Variants in PCNT observed in about 807,000 individuals in gnomAD.
The protein encoded by PCNT is kendrin.
Under a neutral mutation model 380.4 loss-of-function variants are expected in PCNT, and 319 were observed. That is an observed-to-expected ratio of 0.84 (90% CI 0.77 to 0.92). The LOEUF (loss-of-function observed/expected upper bound fraction) is 0.92. PCNT is among the 40% of genes least tolerant of loss of function. The pLI, the probability that PCNT is intolerant of heterozygous loss-of-function variation, is 0.00. For synonymous variants in PCNT, 1,845 were observed against 1,735.2 expected (o/e 1.06, Z -1.57); for missense variants, 4,400 against 4,255.3 (o/e 1.03, Z -0.95).
Position 46,442,567 on chromosome 21 carries a change from C to T in PCNT, c.9694C>T (p.Arg3232Cys), listed in dbSNP as rs537151957. ...AGCTCTGGCACAAGGCAAAGCCCCTCGCCCAGGTGGGACTCCAGCTGCTGT... is the reference window on the plus strand; with the variant it reads ...AGCTCTGGCACAAGGCAAAGCCCCTTGCCCAGGTGGGACTCCAGCTGCTGT... ...KGALAQGKAP[R>C]PGPRARQPQS... Residue 3232 changes from arginine to cysteine, a missense_variant, in exon 44 of 47, where the codon CGC (arginine) becomes TGC (cysteine). Physicochemically the swap from Arg to Cys is radical, Grantham distance 180. Coordinates refer to ENST00000359568, the MANE Select transcript of PCNT (RefSeq NM_006031.6). The T allele has an allele frequency of 1.3e-4, 208 of 1,603,478 alleles. No individual in the cohort carries two copies. The South Asian group carries it at 2.0e-3, about 16-fold the overall frequency.
At chr21:46,347,436 T>C in intron 5 of PCNT, 21 bp from the exon 6 acceptor site, 2 of 1,614,024 alleles carry the variant, frequency 1.2e-6, no homozygotes, top group Non-Finnish European at 1.7e-6. Context: ...TGGCCTGAGC[T>C]GCTTTTTGTT....
intron 16 of PCNT, among the ~76,000 whole-genome samples, chr21:46,382,215 G>T (rs1323263420): frequency 6.9e-6 from 1 of 145,286 alleles, no homozygotes; most frequent in Non-Finnish European, 1.5e-5. Context: ...TGGCGGAAGC[G>T]CATTCATAGT....
chr21:46,353,639 CGTGTGT>C lies in PCNT; in HGVS notation c.1679+320_1679+325del, dbSNP rs147389000. Among the ~76,000 whole-genome samples, 1,542 of 149,912 alleles carry C rather than the reference CGTGTGT, an allele frequency of 0.01. 12 individuals carry two copies. The highest frequency in any genetic ancestry group is 0.021 in the Middle Eastern group (6 of 292). On this transcript the variant is annotated intron_variant, in intron 10 of 46. Coordinates refer to ENST00000359568, the MANE Select transcript of PCNT (RefSeq NM_006031.6). ...GTGGGCACGCTCTTGTCCAGGCCTG[CGTGTGT>C]GTGTGTTGGTGGCAGGGGCGCTCTC...
chr21:46,327,038 T>C (rs1476299174), intron 2 of PCNT, among the ~76,000 whole-genome samples: 1 of 151,482 alleles, frequency 6.6e-6, no homozygotes, highest in African/African-American at 2.4e-5. Context: ...GTGAGTAAAT[T>C]TTTATGGTTT....
chr21:46,445,019 C>T (rs77487457), intron 46 of PCNT, among the ~76,000 whole-genome samples, 198 bp downstream of exon 46: 2 of 152,120 alleles, frequency 1.3e-5, no homozygotes, highest in African/African-American at 2.4e-5. Context: ...CTCAGTGATA[C>T]GTGCTGAGGT....
intron 31 of PCNT, among the ~76,000 whole-genome samples, chr21:46,418,844 G>C (rs1049591650): frequency 1.3e-5 from 2 of 152,172 alleles, no homozygotes; most frequent in Admixed American, 1.3e-4. Flanking sequence ...GATGGTGCGT[G>C]GGGGGCTGCG....
intron 22 of PCNT, 128 bp from the exon 23 acceptor site, chr21:46,397,886 G>T (rs574744506): frequency 2.1e-5 from 15 of 707,028 alleles, no homozygotes; most frequent in African/African-American, 7.0e-5. Context: ...TGTGATGAGG[G>T]GGGTATTTGG....
intron 14 of PCNT, 51 bp from the exon 15 acceptor site, chr21:46,366,533 A>T: frequency 6.7e-7 from 1 of 1,496,762 alleles, no homozygotes; most frequent in African/African-American, 1.4e-5. Flanking sequence ...TGCAAGGGTC[A>T]TTGCTTCCTG....
At chr21:46,338,217 C>T (rs2083812678) in intron 3 of PCNT, among the ~76,000 whole-genome samples, 1 of 152,080 alleles carries the variant, frequency 6.6e-6, no homozygotes, top group Non-Finnish European at 1.5e-5. Context: ...TTGTGATGCA[C>T]AATTGTGTAG....
In PCNT at chr21:46,366,808, G is replaced by C. The variant is rs183691508; in HGVS notation, c.2834G>C (p.Arg945Pro). Residue 945 changes from arginine to proline, a missense_variant, in exon 15 of 47, where the codon CGT becomes CCT. Coordinates refer to ENST00000359568, the MANE Select transcript of PCNT (RefSeq NM_006031.6). ...AAGCAGGGGGCTCTGCTGGCTGCAC[G>C]TGTGGCCGAACTGCAGACAAAACAC... ...ESKQGALLAARVAELQTKHAA... is the reference protein window; with the variant it reads ...ESKQGALLAAPVAELQTKHAA... 2 of 1,613,694 alleles carry C rather than the reference G, an allele frequency of 1.2e-6. No homozygotes were observed. The highest frequency in any genetic ancestry group is 2.7e-5 in the African/African-American group (2 of 74,944).
intron 14 of PCNT, among the ~76,000 whole-genome samples, chr21:46,365,548 A>T (rs34907325): frequency 0.42 from 28,653 of 68,844 alleles, 5,236 homozygotes; most frequent in Admixed American, 0.52. Context: ...TGGGGTTCTG[A>T]TCACTGCCGT....
chr21:46,384,747 G>A (rs976015022), intron 16 of PCNT, among the ~76,000 whole-genome samples: 3 of 140,542 alleles, frequency 2.1e-5, no homozygotes, highest in South Asian at 2.2e-4. Flanking sequence ...TGCGTTGAGC[G>A]GCGGAAGCGC....
In PCNT at chr21:46,359,199, C is replaced by T. The variant is rs189550834; in HGVS notation, c.2154+2008C>T. Among the ~76,000 whole-genome samples the T allele has an allele frequency of 3.8e-4, 57 of 151,482 alleles. 2 individuals carry two copies. The highest frequency in any genetic ancestry group is 5.9e-4 in the Admixed American group (9 of 15,198). Reference sequence around the variant, plus strand: ...AACTCCTGATCTCAAGTGATCTGCCCGCCTTGGCCTCCCAAAGTGTTGGGA... The same window carrying T: ...AACTCCTGATCTCAAGTGATCTGCCTGCCTTGGCCTCCCAAAGTGTTGGGA... On this transcript the variant is annotated intron_variant, in intron 13 of 46. Transcript: ENST00000359568.
At chr21:46,435,803 A>G (rs1378372855) in intron 38 of PCNT, 101 bp from the exon 39 acceptor site, 4 of 1,413,202 alleles carry the variant, frequency 2.8e-6, no homozygotes, top group Non-Finnish European at 4.0e-6. Context: ...CGGCCTCCCA[A>G]AGTGCTAGGA....
chr21:46,365,203 A>G (rs556088891), intron 14 of PCNT, among the ~76,000 whole-genome samples: 44 of 132,076 alleles, frequency 3.3e-4, no homozygotes, highest in East Asian at 1.7e-3. Flanking sequence ...GTGGGGTTCT[A>G]TTCACTGCTG....
At chr21:46,381,159 A>G (rs1244540189) in intron 15 of PCNT, among the ~76,000 whole-genome samples, 1 of 140,268 alleles carries the variant, frequency 7.1e-6, no homozygotes, top group Non-Finnish European at 1.5e-5. Flanking sequence ...CCTGGGTGAC[A>G]GAGAAGAGTC....
chr21:46,423,539 T>C (rs1313930222), intron 32 of PCNT, among the ~76,000 whole-genome samples: 1 of 151,496 alleles, frequency 6.6e-6, no homozygotes, highest in East Asian at 1.9e-4. Flanking sequence ...CTGTTAGTGT[T>C]TCCTATGGAA....
chr21:46,413,578 G>GT (rs973847231), intron 29 of PCNT, among the ~76,000 whole-genome samples: 1 of 152,192 alleles, frequency 6.6e-6, no homozygotes, highest in African/African-American at 2.4e-5. Context: ...AATCAGTTGG[G>GT]TTTTTTTCTT....
chr21:46,352,513 T>C (rs1354906128), intron 9 of PCNT, among the ~76,000 whole-genome samples: 3 of 152,132 alleles, frequency 2.0e-5, no homozygotes, highest in African/African-American at 7.2e-5. Context: ...ATTTGCCCTC[T>C]CTGGGGTGCC....
Sources: gnomAD v4.1 joint callset for allele counts (sites outside exome capture counted in the v4.1 genomes callset) on GRCh38, gnomAD v4.1.1 for gene constraint, MANE v1.5 for transcripts, NCBI Gene and HGNC (gene_info 2026-07-23, HGNC 2026-07-21) for gene names.